TCEA3: variants seen among roughly 807,000 people sequenced by gnomAD.
The protein encoded by TCEA3 is transcription elongation factor A3.
In TCEA3, 36 loss-of-function variants were observed where a neutral mutation model predicts 44.0. That is an observed-to-expected ratio of 0.82 (90% CI 0.63 to 1.08). The LOEUF (loss-of-function observed/expected upper bound fraction) is 1.08. TCEA3 is among the 50% of genes least tolerant of loss of function. The pLI, the probability that TCEA3 is intolerant of heterozygous loss-of-function variation, is 0.00. For synonymous variants in TCEA3, 162 were observed against 159.7 expected, an observed-to-expected ratio of 1.01 and a Z score of -0.11; for missense variants, 392 against 441.2, an observed-to-expected ratio of 0.89 and a Z score of 1.00.
intron 5 of TCEA3, among the ~76,000 whole-genome samples, chr1:23,407,083 G>C (rs1488286821): frequency 6.6e-6 from 1 of 152,108 alleles, no homozygotes; most frequent in Admixed American, 6.6e-5. Context: ...AGCCTGATTT[G>C]CATAAGCACA....
intron 1 of TCEA3, chr1:23,419,465 G>C (rs1455036689): frequency 8.3e-6 from 2 of 241,024 alleles, no homozygotes; most frequent in Non-Finnish European, 1.6e-5. Context: ...ATTGTTGCTC[G>C]TGTGCCTGTA....
At chr1:23,384,071 G>A (rs1558015385) in intron 10 of TCEA3, 1 of 1,296,152 alleles carries the variant, frequency 7.7e-7, no homozygotes, top group Non-Finnish European at 9.8e-7. Context: ...GATTCCATCT[G>A]TGCTCAAATG....
intron 1 of TCEA3, 167 bp from the exon 2 acceptor site, chr1:23,419,306 G>A (rs556775115): frequency 1.6e-5 from 7 of 437,840 alleles, no homozygotes; most frequent in African/African-American, 1.2e-4. Flanking sequence ...TGTCCTAGGT[G>A]GTGCTCTAAC....
chr1:23,412,793 A>T (rs577479265), intron 4 of TCEA3, among the ~76,000 whole-genome samples: 1 of 152,246 alleles, frequency 6.6e-6, no homozygotes, highest in East Asian at 1.9e-4. Flanking sequence ...GGAGAGGAAG[A>T]AAAATAAAAG....
At chr1:23,392,772 C>T (rs550405594) in intron 8 of TCEA3, among the ~76,000 whole-genome samples, 3 of 151,618 alleles carry the variant, frequency 2.0e-5, no homozygotes, top group African/African-American at 7.3e-5. Flanking sequence ...CACACACACA[C>T]CCACTCCACA....
At chr1:23,420,211 T>C (rs1159181779) in intron 1 of TCEA3, among the ~76,000 whole-genome samples, 1 of 152,256 alleles carries the variant, frequency 6.6e-6, no homozygotes, top group Non-Finnish European at 1.5e-5. Flanking sequence ...TTTTTATTAC[T>C]GAGTGGTTTC....
intron 8 of TCEA3, among the ~76,000 whole-genome samples, chr1:23,387,671 G>A (rs1029359984): frequency 6.6e-6 from 1 of 152,210 alleles, no homozygotes; most frequent in Admixed American, 6.5e-5. Context: ...CTCTGCCCGA[G>A]GACGAGCACT....
intron 5 of TCEA3, among the ~76,000 whole-genome samples, chr1:23,400,982 C>A (rs905401293): frequency 1.3e-5 from 2 of 152,186 alleles, no homozygotes; most frequent in Non-Finnish European, 2.9e-5. Context: ...GGACTTCTGA[C>A]AAAGTCTCTC....
rs1639940402 is a variant in TCEA3 at position 23,417,939 on chromosome 1, G to A, written c.203C>T (p.Ala68Val). 1 of 1,613,940 alleles carries A rather than the reference G, an allele frequency of 6.2e-7. No homozygotes were observed. Among genetic ancestry groups the A allele is most frequent in the African/African-American group, 1.3e-5 (1 of 74,942 alleles). Residue 68 changes from alanine (A) to valine (V), a missense_variant, in exon 3 of 11, where the codon GCC (alanine) becomes GTC (valine). By Grantham distance (64) the Ala-to-Val change is moderately conservative (BLOSUM62 0). Coordinates refer to ENST00000450454, the MANE Select transcript of TCEA3 (RefSeq NM_003196.3). ...HCSDKEVVSL[A>V]KVLIKNWKRL... ...CTTCCAGTTTTTGATAAGGACTTTG[G>A]CCAAGGACACCACCTCCTTGTCTGA...
chr1:23,409,136 C>T (rs959322917), intron 4 of TCEA3, among the ~76,000 whole-genome samples: 1 of 152,142 alleles, frequency 6.6e-6, no homozygotes, highest in Non-Finnish European at 1.5e-5. Context: ...AAATCAGCTT[C>T]AGCCTCCCCG....
chr1:23,396,537 T>C (rs1053298470), intron 7 of TCEA3, among the ~76,000 whole-genome samples: 55 of 152,046 alleles, frequency 3.6e-4, no homozygotes, highest in African/African-American at 1.2e-3. Context: ...ATTCAATACA[T>C]GGAATCCAAA....
chr1:23,403,009 T>A (rs555271011), intron 5 of TCEA3, among the ~76,000 whole-genome samples: 1 of 152,310 alleles, frequency 6.6e-6, no homozygotes, highest in Non-Finnish European at 1.5e-5. Flanking sequence ...TCTCTCTCTC[T>A]GGGAGTACGA....
chr1:23,381,199 A>T lies in TCEA3; in HGVS notation c.*267T>A, dbSNP rs650102. 1 of 462,508 alleles carries T rather than the reference A, an allele frequency of 2.2e-6. No individual in the cohort carries two copies. The allele number at this position is 462,508 out of a possible 1,614,324, so 28.7% of individuals were successfully genotyped here. A position where few individuals can be genotyped will look rare whatever the true frequency, so the allele number is the denominator to read the frequency against. On this transcript the variant is annotated 3_prime_UTR_variant, in exon 11 of 11. Transcript: ENST00000450454. Reference sequence around the variant, plus strand: ...CAGAGTTTGCAGATTACAGCCATAAACCACCGTGCCCAGCCCTCTGCAGTT... The same window carrying T: ...CAGAGTTTGCAGATTACAGCCATAATCCACCGTGCCCAGCCCTCTGCAGTT...
At chr1:23,408,539 C>T (rs550274690) in intron 5 of TCEA3, 125 bp downstream of exon 5, 356 of 949,108 alleles carry the variant, frequency 3.8e-4, no homozygotes, top group South Asian at 1.3e-3. Context: ...AATACGGGGG[C>T]AACATAATGT....
rs559301503 is a variant in TCEA3, at chr1:23,407,853, G to T, written c.443+811C>A. Among the ~76,000 whole-genome samples the T allele has an allele frequency of 3.3e-5, 5 of 152,202 alleles. No homozygotes were observed. The South Asian group carries it at 1.0e-3, about 32-fold the overall frequency. On this transcript the variant is annotated intron_variant, in intron 5 of 10. Coordinates refer to ENST00000450454, the MANE Select transcript of TCEA3 (RefSeq NM_003196.3). ...ATGACTAAATGACTTGATGATTTAT[G>T]CTAATTTTGGGTAGACATCCTAGCC...
intron 10 of TCEA3, chr1:23,383,369 C>CT (rs1309287550): frequency 1.1e-6 from 1 of 897,328 alleles, no homozygotes; most frequent in Non-Finnish European, 1.3e-6. Context: ...TGCTTATTAA[C>CT]TATTTCTGTA....
chr1:23,412,631 C>T (rs555412097), intron 4 of TCEA3, among the ~76,000 whole-genome samples: 1 of 151,990 alleles, frequency 6.6e-6, no homozygotes, highest in African/African-American at 2.4e-5. Flanking sequence ...TCACTTGAAC[C>T]TGGGAGGCGG....
intron 10 of TCEA3, chr1:23,383,782 T>C (rs1426572965): frequency 1.0e-6 from 1 of 985,688 alleles, no homozygotes; most frequent in Non-Finnish European, 1.2e-6. Context: ...GGAGGAGTCT[T>C]TGTTTGGCTC....
At chr1:23,414,987 G>T (rs950966867) in intron 4 of TCEA3, among the ~76,000 whole-genome samples, 28 of 147,480 alleles carry the variant, frequency 1.9e-4, no homozygotes, top group African/African-American at 6.8e-4. Context: ...TCTCATACAG[G>T]CCTTTAAAAG....
Sources: gnomAD v4.1 joint callset for allele counts (sites outside exome capture counted in the v4.1 genomes callset) on GRCh38, gnomAD v4.1.1 for gene constraint, MANE v1.5 for transcripts, NCBI Gene and HGNC (gene_info 2026-07-23, HGNC 2026-07-21) for gene names.